The following APLP2 variants were observed in gnomAD, a reference collection of about 807,000 sequenced individuals.
The protein encoded by APLP2 is CDEI box-binding protein.
A neutral mutation model predicts 89.9 loss-of-function variants in APLP2; 53 were observed. The observed-to-expected ratio is 0.59, with a 90% CI of 0.47 to 0.74. APLP2 has a LOEUF of 0.74. Ranked by LOEUF, APLP2 falls within the 30% of genes least tolerant of loss-of-function variation. The pLI is 0.00. For synonymous variants in APLP2, 372 were observed against 348.6 expected (o/e 1.07, Z -0.75); for missense variants, 973 against 975.9 (o/e 1.00, Z 0.04).
At chr11:130,105,782 C>T (rs1240195926) in intron 1 of APLP2, among the ~76,000 whole-genome samples, 1 of 151,106 alleles carries the variant, frequency 6.6e-6, no homozygotes, top group African/African-American at 2.4e-5. Context: ...CTGCTCACCG[C>T]AACATCTGCC....
At chr11:130,104,438 C>A (rs1457249932) in intron 1 of APLP2, among the ~76,000 whole-genome samples, 1 of 151,832 alleles carries the variant, frequency 6.6e-6, no homozygotes, top group African/African-American at 2.4e-5. Flanking sequence ...AGGCTGGTCT[C>A]GAGCTCCTGA....
chr11:130,141,958 A>G lies in APLP2; in HGVS notation c.2038A>G (p.Ser680Gly). 1.2e-6 allele frequency: 2 copies of G among 1,614,004 alleles called. No individual in the cohort carries two copies. The highest frequency in any genetic ancestry group is 1.7e-6 in the Non-Finnish European group (2 of 1,179,930). The change falls in exon 16 of 17, where the codon AGC (serine) becomes GGC (glycine). Residue 680 changes from serine to glycine, a missense_variant. Ser to Gly is a moderately conservative substitution (Grantham distance 56). Coordinates refer to ENST00000338167, the MANE Select transcript of APLP2 (RefSeq NM_001142276.2). The surrounding 1 kb of genome is among the most constrained non-coding windows in gnomAD (Gnocchi z 4.2). ...ACTGCGGGAGGACTTCAGTCTGAGT[A>G]GCAGTGCTCTCATTGGCCTGCTGGT... ...GPLREDFSLS[S>G]SALIGLLVIA...
At chr11:130,100,619 T>C (rs1946779652) in intron 1 of APLP2, among the ~76,000 whole-genome samples, 2 of 152,332 alleles carry the variant, frequency 1.3e-5, no homozygotes, top group South Asian at 2.1e-4. Flanking sequence ...ATAAAAAGCG[T>C]TGGAGACAGC....
rs1952774818 is a variant in APLP2 at position 130,144,734 on chromosome 11, C to G, written c.*1286C>G. 1 of 152,484 alleles carries G rather than the reference C, an allele frequency of 6.6e-6. No individual in the cohort carries two copies. The highest frequency in any genetic ancestry group is 1.5e-5 in the Non-Finnish European group (1 of 68,022). The allele number at this position is 152,484 out of a possible 1,614,324, so 9.4% of individuals were successfully genotyped here. A position where few individuals can be genotyped will look rare whatever the true frequency, so the allele number is the denominator to read the frequency against. On this transcript the variant is annotated 3_prime_UTR_variant, in exon 17 of 17. Transcript: ENST00000338167. ...CCACTATGCACAGATTAAACTTCAC[C>G]TACAAACTCCTTAATATGATCTGTG...
intron 16 of APLP2, among the ~76,000 whole-genome samples, chr11:130,142,923 T>C (rs12788502): frequency 2.0e-5 from 3 of 152,154 alleles, no homozygotes; most frequent in Admixed American, 1.3e-4. Flanking sequence ...AGTTACTTGG[T>C]TTTATCTCCT....
chr11:130,094,342 A>T (rs1162208993), intron 1 of APLP2, among the ~76,000 whole-genome samples: 4 of 151,924 alleles, frequency 2.6e-5, no homozygotes, highest in African/African-American at 9.7e-5. Context: ...TGTGAGCCAC[A>T]GTGCCTGGCC....
Position 130,126,897 on chromosome 11 carries a change from A to G in APLP2, c.1221+67A>G. 5.0e-6 allele frequency: 8 copies of G among 1,596,594 alleles called. No homozygotes were observed. In the South Asian group the frequency reaches 7.7e-5, roughly 15 times the overall value. ...TGGGTAGCATGGTTCTCATAGCTGA[A>G]GAAAAGTAATAGCTTCTCCCTAGAT... is the stretch of plus-strand genomic sequence containing the variant. On this transcript the variant is annotated intron_variant, in intron 8 of 16. Transcript: ENST00000338167.
chr11:130,140,742 T>G (rs945070012), intron 14 of APLP2: 1 of 266,032 alleles, frequency 3.8e-6, no homozygotes, highest in African/African-American at 2.2e-5. Context: ...AAGATATGAA[T>G]AACCTGTTAG....
In APLP2 at chr11:130,070,052, G is replaced by T; in HGVS notation, c.75G>T (p.Ala25=). 1.3e-6 allele frequency: 2 copies of T among 1,501,788 alleles called. No individual in the cohort carries two copies. Among genetic ancestry groups the T allele is most frequent in the Non-Finnish European group, 1.8e-6 (2 of 1,133,784 alleles). The allele number at this position is 1,501,788 out of a possible 1,614,324, so 93.0% of individuals were successfully genotyped here. The change falls in exon 1 of 17, where the codon GCG becomes GCT. Residue 25 remains alanine (A), a synonymous_variant. Transcript: ENST00000338167. ...LLLLLLVGLT[A]PALALAGYIE... ...TTCTGCTGCTGGTGGGGCTCACGGC[G>T]CCTGCCTTGGCGCTGGCCGGCTACA...
In APLP2 at chr11:130,083,060, C is replaced by T. The variant is rs142195847; in HGVS notation, c.105+12978C>T. On this transcript the variant is annotated intron_variant, in intron 1 of 16. Coordinates refer to ENST00000338167, the MANE Select transcript of APLP2 (RefSeq NM_001142276.2). ...TTTTTTTTTTTTTTTTTTTGAGACACGGTCTCACACTGTTGTCCAGGCCAG... is the reference window on the plus strand; with the variant it reads ...TTTTTTTTTTTTTTTTTTTGAGACATGGTCTCACACTGTTGTCCAGGCCAG... Among the ~76,000 whole-genome samples, 372 of 98,092 alleles carry T rather than the reference C, an allele frequency of 3.8e-3. 2 individuals carry two copies. Among genetic ancestry groups the T allele is most frequent in the African/African-American group, 0.017 (352 of 20,756 alleles). 64.4% of individuals were successfully genotyped at this position (98,092 alleles called of 152,430 possible).
chr11:130,133,040 C>T (rs1951107931), intron 11 of APLP2, among the ~76,000 whole-genome samples: 1 of 150,950 alleles, frequency 6.6e-6, no homozygotes, highest in African/African-American at 2.5e-5. Flanking sequence ...AATCCAGTAG[C>T]TAGTGGCCAT....
At chr11:130,092,486 G>A (rs1262082235) in intron 1 of APLP2, among the ~76,000 whole-genome samples, 21 of 138,370 alleles carry the variant, frequency 1.5e-4, no homozygotes, top group Admixed American at 1.3e-3. Context: ...TCGGGAGGCC[G>A]AGGTTGGCGG....
intron 3 of APLP2, among the ~76,000 whole-genome samples, chr11:130,111,902 A>G (rs963666318): frequency 2.0e-5 from 3 of 152,206 alleles, no homozygotes; most frequent in Admixed American, 6.5e-5. Context: ...AGTGCTTGAA[A>G]TCGTTCCTTC....
intron 1 of APLP2, among the ~76,000 whole-genome samples, chr11:130,079,298 C>T (rs967095689): frequency 6.6e-5 from 10 of 152,000 alleles, no homozygotes; most frequent in African/African-American, 2.4e-4. Context: ...GGGGTTTCAC[C>T]ATGTTGGTCA....
In APLP2 at chr11:130,143,325, C is replaced by T; in HGVS notation, c.2155-22C>T. On this transcript the variant is annotated intron_variant, in intron 16 of 16. Transcript: ENST00000338167. ...GGTCTCTTCCCAGACACCACAATGA[C>T]CCTCAGGTTTTGTTCTTCCAGGTTG... 1.9e-6 allele frequency: 3 copies of T among 1,607,366 alleles called. No individual in the cohort carries two copies. In the South Asian group the frequency reaches 3.3e-5, roughly 18 times the overall value.
intron 1 of APLP2, among the ~76,000 whole-genome samples, chr11:130,107,175 A>C (rs1033233475): frequency 1.3e-5 from 2 of 152,212 alleles, no homozygotes; most frequent in Non-Finnish European, 2.9e-5. Context: ...GTAGTTGCTC[A>C]GAAAATTTTC....
Position 130,143,501 on chromosome 11 carries a change from C to A in APLP2, c.*53C>A, listed in dbSNP as rs550812010. The stretch of plus-strand genomic sequence containing the variant: ...GAGGGATGCAGGTGGGCCGGAAGAT[C>A]CCACGATTCCGATCGACTGCCAAGC... On this transcript the variant is annotated 3_prime_UTR_variant, in exon 17 of 17. Transcript: ENST00000338167. The A allele has an allele frequency of 1.1e-4, 165 of 1,468,712 alleles. 1 individual carries two copies. In the Admixed American group the frequency reaches 2.7e-3, roughly 24 times the overall value. The allele number at this position is 1,468,712 out of a possible 1,614,324, so 91.0% of individuals were successfully genotyped here.
intron 1 of APLP2, among the ~76,000 whole-genome samples, chr11:130,090,830 G>C (rs1460695500): frequency 2.6e-5 from 4 of 151,798 alleles, no homozygotes; most frequent in Non-Finnish European, 4.4e-5. Context: ...TCACCTCCCA[G>C]TAGGGGCGGC....
Position 130,123,006 on chromosome 11 carries a change from T to A in APLP2, c.922+493T>A, listed in dbSNP as rs1949998675. On this transcript the variant is annotated intron_variant, in intron 6 of 16. Coordinates refer to ENST00000338167, the MANE Select transcript of APLP2 (RefSeq NM_001142276.2). The surrounding 1 kb of genome is among the most constrained non-coding windows in gnomAD (Gnocchi z 4.0). ...TGGGGCCTGCAGTTTTTTTTTTTTC[T>A]CATCTTGCCAATTAAAACACGAAAA... Among the ~76,000 whole-genome samples, 1 of 152,014 alleles carries A rather than the reference T, an allele frequency of 6.6e-6. No individual in the cohort carries two copies. Among genetic ancestry groups the A allele is most frequent in the Non-Finnish European group, 1.5e-5 (1 of 67,990 alleles).
Sources: gnomAD v4.1 joint callset for allele counts (sites outside exome capture counted in the v4.1 genomes callset) on GRCh38, gnomAD v4.1.1 for gene constraint, Gnocchi (gnomAD v3.1) non-coding constraint, MANE v1.5 for transcripts, NCBI Gene and HGNC (gene_info 2026-07-23, HGNC 2026-07-21) for gene names.